STK32A: variants seen among roughly 807,000 people sequenced by gnomAD.
STK32A encodes the protein serine/threonine-protein kinase 32A.
In STK32A, 41 loss-of-function variants were observed where a neutral mutation model predicts 53.2. The observed-to-expected ratio is 0.77, with a 90% CI of 0.60 to 1.00. STK32A has a LOEUF of 1.00. Among genes scored for constraint, STK32A ranks in the 50% least tolerant of loss-of-function variants. STK32A has a pLI of 0.00. For synonymous variants in STK32A, 166 were observed against 162.8 expected, an observed-to-expected ratio of 1.02 and a Z score of -0.15; for missense variants, 458 against 485.8, an observed-to-expected ratio of 0.94 and a Z score of 0.54.
intron 2 of STK32A, among the ~76,000 whole-genome samples, chr5:147,265,245 A>G (rs938319631): frequency 1.3e-5 from 2 of 151,756 alleles, no homozygotes; most frequent in African/African-American, 2.4e-5. Context: ...TGGTACAGCT[A>G]GGATTCCACT....
chr5:147,317,323 CT>C lies in STK32A; in HGVS notation c.261-6551del, dbSNP rs3064294. Among the ~76,000 whole-genome samples, 313 of 81,298 alleles carry C rather than the reference CT, an allele frequency of 3.9e-3. 1 individual carries two copies. Among genetic ancestry groups the C allele is most frequent in the Admixed American group, 5.2e-3 (26 of 4,990 alleles). The allele number at this position is 81,298 out of a possible 152,430, so 53.3% of individuals were successfully genotyped here. A position where few individuals can be genotyped will look rare whatever the true frequency, so the allele number is the denominator to read the frequency against. ...TTAGGGTCTTTTTTTCTTTTTCTTTCTTTTTTTTTTTTTTTTTTTTTTTTGA... is the reference window on the plus strand; with the variant it reads ...TTAGGGTCTTTTTTTCTTTTTCTTTCTTTTTTTTTTTTTTTTTTTTTTTGA... On this transcript the variant is annotated intron_variant, in intron 4 of 12. Transcript: ENST00000397936.
intron 2 of STK32A, among the ~76,000 whole-genome samples, chr5:147,260,782 A>G (rs1243611185): frequency 1.3e-5 from 2 of 152,176 alleles, no homozygotes; most frequent in Non-Finnish European, 1.5e-5. Flanking sequence ...GCCCTAAGCC[A>G]TATGAGGCAG....
At chr5:147,376,455 T>A (rs1757235793) in intron 11 of STK32A, among the ~76,000 whole-genome samples, 1 of 152,164 alleles carries the variant, frequency 6.6e-6, no homozygotes. Flanking sequence ...GATACAGGCC[T>A]CTCTGATAAC....
chr5:147,313,013 G>T lies in STK32A; in HGVS notation c.261-10885G>T, dbSNP rs551163074. Among the ~76,000 whole-genome samples the T allele has an allele frequency of 4.1e-5, 6 of 145,594 alleles. No individual in the cohort carries two copies. The South Asian group carries it at 8.6e-4, about 21-fold the overall frequency. On this transcript the variant is annotated intron_variant, in intron 4 of 12. Transcript: ENST00000397936. Reference sequence around the variant, plus strand: ...CACAACATTTTGGGAGGCTAAGGTAGGAAGGCTGCTTGAGGCCAGCCTGGG... The same window carrying T: ...CACAACATTTTGGGAGGCTAAGGTATGAAGGCTGCTTGAGGCCAGCCTGGG...
At chr5:147,398,455 C>T in the STK32A span, among the ~76,000 whole-genome samples, 1 of 152,096 alleles carries the variant, frequency 6.6e-6, no homozygotes, top group African/African-American at 2.4e-5. Flanking sequence ...GATAATAGTC[C>T]CTACCTGTAG....
At chr5:147,235,503 T>G in intron 1 of STK32A, among the ~76,000 whole-genome samples, 1 of 152,230 alleles carries the variant, frequency 6.6e-6, no homozygotes. Flanking sequence ...TAGCTGCCTT[T>G]GATGATTGCT....
intron 7 of STK32A, 111 bp downstream of exon 7, chr5:147,351,265 T>C (rs1755963997): frequency 2.3e-6 from 2 of 860,022 alleles, no homozygotes. Context: ...CTCTCTGACT[T>C]TACCTGTGGA....
chr5:147,241,243 C>T (rs1042859392), intron 2 of STK32A, among the ~76,000 whole-genome samples: 1 of 152,322 alleles, frequency 6.6e-6, no homozygotes, highest in South Asian at 2.1e-4. Flanking sequence ...CTTTGGGAGG[C>T]CGAGGCGGGC....
At chr5:147,295,490 T>G (rs949109911) in intron 4 of STK32A, among the ~76,000 whole-genome samples, 5 of 152,228 alleles carry the variant, frequency 3.3e-5, no homozygotes, top group Admixed American at 2.6e-4. Context: ...CACGGTGGCT[T>G]TCATTAAACC....
chr5:147,274,484 A>G (rs971655602), intron 2 of STK32A, among the ~76,000 whole-genome samples: 3 of 152,242 alleles, frequency 2.0e-5, no homozygotes, highest in Middle Eastern at 3.2e-3. Flanking sequence ...CACTAAGGTT[A>G]ACTTTGCTTT....
At chr5:147,370,798 G>A (rs939263634) in intron 9 of STK32A, 28 bp downstream of exon 9, 9 of 1,472,518 alleles carry the variant, frequency 6.1e-6, no homozygotes, top group African/African-American at 5.6e-5. Flanking sequence ...ATGTCCAAAC[G>A]AAGTAACAAA....
intron 6 of STK32A, among the ~76,000 whole-genome samples, chr5:147,345,248 C>A (rs923487215): frequency 9.2e-5 from 14 of 152,104 alleles, no homozygotes; most frequent in Non-Finnish European, 1.8e-4. Flanking sequence ...ATCTTACTTA[C>A]AAAAGAAATC....
At chr5:147,383,208 T>C in intron 11 of STK32A, 1 of 549,920 alleles carries the variant, frequency 1.8e-6, no homozygotes, top group East Asian at 3.4e-5. Context: ...ATAGTGACAT[T>C]AGACAGATTC....
intron 2 of STK32A, among the ~76,000 whole-genome samples, chr5:147,256,570 G>C (rs181482325): frequency 6.6e-6 from 1 of 152,162 alleles, no homozygotes; most frequent in East Asian, 1.9e-4. Context: ...GGAGTGCAAT[G>C]GCGCAATCTT....
At chr5:147,290,864 T>C (rs1752567888) in intron 4 of STK32A, among the ~76,000 whole-genome samples, 1 of 152,166 alleles carries the variant, frequency 6.6e-6, no homozygotes, top group African/African-American at 2.4e-5. Context: ...GCCCAGAATG[T>C]ACACTCCAAT....
the STK32A span, chr5:147,401,479 C>T: frequency 6.6e-7 from 1 of 1,524,392 alleles, no homozygotes; most frequent in Non-Finnish European, 8.8e-7. Flanking sequence ...GTCCTCAACC[C>T]CCAGCTGGAC....
intron 4 of STK32A, among the ~76,000 whole-genome samples, chr5:147,298,543 C>T (rs138931621): frequency 1.8e-4 from 28 of 152,290 alleles, no homozygotes; most frequent in African/African-American, 6.5e-4. Context: ...CAGTATGAAT[C>T]GAGCTAGCAT....
intron 2 of STK32A, among the ~76,000 whole-genome samples, chr5:147,242,682 C>T (rs1378542170): frequency 6.6e-6 from 1 of 152,170 alleles, no homozygotes; most frequent in Non-Finnish European, 1.5e-5. Flanking sequence ...TGAACAGTTG[C>T]CTATATCTTA....
At chr5:147,356,113 A>T (rs1756226602) in intron 7 of STK32A, among the ~76,000 whole-genome samples, 1 of 152,176 alleles carries the variant, frequency 6.6e-6, no homozygotes, top group South Asian at 2.1e-4. Context: ...AGTTAAAAAA[A>T]AATCAGGCCC....
Sources: allele counts gnomAD v4.1 joint callset (sites outside exome capture counted in the v4.1 genomes callset), GRCh38; gene constraint gnomAD v4.1.1; transcripts MANE v1.5; gene names NCBI Gene and HGNC (gene_info 2026-07-23, HGNC 2026-07-21).